Variants in EDA observed in about 807,000 individuals in gnomAD.
EDA encodes the protein ectodysplasin-A.
EDA carries 2 observed loss-of-function variants against 23.6 expected under a neutral mutation model. The observed-to-expected ratio is 0.08, with a 90% CI of 0.03 to 0.27. EDA has a LOEUF of 0.27. Ranked by LOEUF, EDA falls within the 10% of genes least tolerant of loss-of-function variation. EDA has a pLI of 1.00. For synonymous variants in EDA, 131 were observed against 132.0 expected (o/e 0.99, Z 0.05); for missense variants, 229 against 324.2 (o/e 0.71, Z 2.26).
At position 70,038,918 on chromosome X, in the gene EDA, G is replaced by A. The variant is rs762453970; in HGVS notation, c.*3309G>A. ...CAACCTCCAGACTCAGCAGAGTGAG[G>A]GGGTAAAGCAGTTCCTGTCCCACAT... On this transcript the variant is annotated 3_prime_UTR_variant, in exon 8 of 8. Coordinates refer to ENST00000374552, the MANE Select transcript of EDA (RefSeq NM_001399.5). The A allele has an allele frequency of 7.1e-5, 8 of 112,299 alleles. No homozygotes were observed. In the Admixed American group the frequency reaches 7.5e-4, roughly 11 times the overall value. The allele number at this position is 112,299 out of a possible 1,213,427, so 9.3% of individuals were successfully genotyped here. A position where few individuals can be genotyped will look rare whatever the true frequency, so the allele number is the denominator to read the frequency against.
chrX:69,996,269 G>A (rs146426829), intron 2 of EDA, among the ~76,000 whole-genome samples: 159 of 112,015 alleles, frequency 1.4e-3, no homozygotes, highest in African/African-American at 4.9e-3. Flanking sequence ...ATGGCATCCT[G>A]TACTCTCTGA....
rs765552573 is a variant in EDA at position 69,932,165 on chromosome X, C to T, written c.397-24862C>T. On this transcript the variant is annotated intron_variant, in intron 1 of 7. Coordinates refer to ENST00000374552, the MANE Select transcript of EDA (RefSeq NM_001399.5). ...CTATAGTGGCAAAAAGCAGATCAGT[C>T]GTTACCTGGAAATGCAGAGGGCATC... is the stretch of plus-strand genomic sequence containing the variant. 1.8e-5 allele frequency among the ~76,000 whole-genome samples: 2 copies of T among 111,656 alleles called. 1 individual carries two copies. Among genetic ancestry groups the T allele is most frequent in the South Asian group, 7.6e-4 (2 of 2,638 alleles).
intron 1 of EDA, among the ~76,000 whole-genome samples, chrX:69,932,499 C>T (rs770490661): frequency 6.3e-5 from 7 of 111,069 alleles, no homozygotes; most frequent in South Asian, 3.8e-4. Flanking sequence ...ATAATAGAGA[C>T]GGGCTATTCT....
chrX:69,616,630 C>T lies in EDA; in HGVS notation c.322C>T (p.Gln108Ter). ...PDSPITSHLGQPSPKQQPLEP... is the reference protein window; with the variant it reads ...PDSPITSHLG ...CAGCCCCATCACCAGTCACCTTGGG[C>T]AGCCGTCACCTAAGCAGCAGCCATT... Residue 108 changes from glutamine (Q) to a stop codon, truncating the protein, a stop_gained, in exon 1 of 8, where the codon CAG (glutamine) becomes TAG (stop). Coordinates refer to ENST00000374552, the MANE Select transcript of EDA (RefSeq NM_001399.5). LOFTEE classifies it high-confidence loss of function. 1 of 1,211,687 alleles carries T rather than the reference C, an allele frequency of 8.3e-7. No homozygotes were observed. Among genetic ancestry groups the T allele is most frequent in the Non-Finnish European group, 1.1e-6 (1 of 895,425 alleles).
chrX:69,787,929 C>T (rs1379955258), intron 1 of EDA, among the ~76,000 whole-genome samples: 2 of 111,842 alleles, frequency 1.8e-5, no homozygotes, highest in African/African-American at 6.5e-5. Context: ...TCAGGTACAC[C>T]AATCAGACAT....
chrX:69,833,317 T>G (rs1306800277), intron 1 of EDA, among the ~76,000 whole-genome samples: 1 of 111,943 alleles, frequency 8.9e-6, no homozygotes, highest in Admixed American at 9.5e-5. Flanking sequence ...TTTTTGTTGT[T>G]GTTGGTTCTG....
chrX:69,889,344 C>G (rs2017888076), intron 1 of EDA, among the ~76,000 whole-genome samples: 1 of 109,555 alleles, frequency 9.1e-6, no homozygotes, highest in Non-Finnish European at 1.9e-5. Context: ...GATACAGGGT[C>G]TTACCATGTG....
intron 2 of EDA, among the ~76,000 whole-genome samples, chrX:69,973,970 T>C (rs1004588470): frequency 6.3e-5 from 7 of 110,361 alleles, no homozygotes; most frequent in African/African-American, 2.0e-4. Flanking sequence ...GACTAAGTCC[T>C]AAAATATTAA....
chrX:69,919,613 A>G (rs901248873), intron 1 of EDA, among the ~76,000 whole-genome samples: 1 of 111,956 alleles, frequency 8.9e-6, no homozygotes, highest in East Asian at 2.8e-4. Context: ...TAATTCCAAT[A>G]GTGGCCATAC....
chrX:69,860,855 A>G, intron 1 of EDA: 2 of 524,657 alleles, frequency 3.8e-6, no homozygotes, highest in Non-Finnish European at 7.0e-6. Context: ...CATCTCTTTC[A>G]GGGACACCAA....
At chrX:69,939,447 G>A (rs767511836) in intron 1 of EDA, among the ~76,000 whole-genome samples, 2 of 111,166 alleles carry the variant, frequency 1.8e-5, no homozygotes, top group East Asian at 5.7e-4. Context: ...ATCCTGAAAC[G>A]TTACTGAACT....
chrX:69,648,121 G>T (rs1192664868), intron 1 of EDA, among the ~76,000 whole-genome samples: 1 of 111,842 alleles, frequency 8.9e-6, no homozygotes, highest in Non-Finnish European at 1.9e-5. Context: ...ACATGTGCCT[G>T]TAGGAAGGAG....
intron 1 of EDA, among the ~76,000 whole-genome samples, chrX:69,692,316 G>T (rs182261941): frequency 9.0e-6 from 1 of 111,507 alleles, no homozygotes; most frequent in African/African-American, 3.3e-5. Context: ...GACACAAGTA[G>T]ATCACAAAAC....
chrX:69,945,397 G>A (rs887457833), intron 1 of EDA, among the ~76,000 whole-genome samples: 2 of 111,928 alleles, frequency 1.8e-5, no homozygotes, highest in African/African-American at 6.5e-5. Flanking sequence ...TGGAGTTTCT[G>A]TGGATTTTTT....
chrX:69,712,711 G>A (rs972855729), intron 1 of EDA, among the ~76,000 whole-genome samples: 1 of 111,286 alleles, frequency 9.0e-6, no homozygotes, highest in Admixed American at 9.6e-5. Flanking sequence ...CCATTACTGG[G>A]TATATACCCA....
chrX:69,818,422 A>C (rs901443261), intron 1 of EDA, among the ~76,000 whole-genome samples: 3 of 111,490 alleles, frequency 2.7e-5, no homozygotes, highest in Non-Finnish European at 3.8e-5. Flanking sequence ...AAAGCTCAAC[A>C]AATCCAGGAG....
chrX:69,919,320 T>C, intron 1 of EDA, among the ~76,000 whole-genome samples: 1 of 112,337 alleles, frequency 8.9e-6, no homozygotes, highest in South Asian at 3.7e-4. Context: ...GCTAATAAGC[T>C]ATAATTACCC....
chrX:69,851,157 T>TTC (rs1555890820), intron 1 of EDA, among the ~76,000 whole-genome samples: 2 of 101,899 alleles, frequency 2.0e-5, no homozygotes, highest in Non-Finnish European at 4.0e-5. Flanking sequence ...GATCAAGGGT[T>TTC]TGTGTGTGTG....
At chrX:69,896,579 A>G (rs1390089970) in intron 1 of EDA, among the ~76,000 whole-genome samples, 2 of 111,443 alleles carry the variant, frequency 1.8e-5, no homozygotes, top group Non-Finnish European at 3.8e-5. Context: ...TAAACCTAGA[A>G]GTAATTTAGA....
Sources: gnomAD v4.1 joint callset for allele counts (sites outside exome capture counted in the v4.1 genomes callset) on GRCh38, gnomAD v4.1.1 for gene constraint, MANE v1.5 for transcripts, NCBI Gene and HGNC (gene_info 2026-07-23, HGNC 2026-07-21) for gene names.